ANKRD28: variants seen among roughly 807,000 people sequenced by gnomAD.
ANKRD28 encodes ankyrin repeat domain 28.
ANKRD28 carries 44 observed loss-of-function variants against 126.5 expected under a neutral mutation model. That is an observed-to-expected ratio of 0.35 (90% CI 0.27 to 0.45). ANKRD28 has a LOEUF of 0.45. Among genes scored for constraint, ANKRD28 ranks in the 20% least tolerant of loss-of-function variants. ANKRD28 has a pLI of 1.00. For missense variants in ANKRD28, 1,110 were observed against 1,316.6 expected, an observed-to-expected ratio of 0.84 and a Z score of 2.43; for synonymous variants, 442 against 468.5, an observed-to-expected ratio of 0.94 and a Z score of 0.73.
Position 15,686,464 on chromosome 3 carries a change from C to T in ANKRD28, c.1964-155G>A, listed in dbSNP as rs928134519. Reference sequence around the variant, plus strand: ...ACTATAGGTAAAAAGAAGGTTTCTACGGCCTTTGACTGTTAAAGCTGGAAT... The same window carrying T: ...ACTATAGGTAAAAAGAAGGTTTCTATGGCCTTTGACTGTTAAAGCTGGAAT... On this transcript the variant is annotated intron_variant, in intron 18 of 27. Coordinates refer to ENST00000683139, the MANE Select transcript of ANKRD28 (RefSeq NM_001349278.2). 8.9e-5 allele frequency: 57 copies of T among 642,136 alleles called. 1 individual carries two copies. Among genetic ancestry groups the T allele is most frequent in the Middle Eastern group, 8.4e-4 (2 of 2,372 alleles). 39.8% of individuals were successfully genotyped at this position (642,136 alleles called of 1,614,324 possible).
chr3:15,767,163 G>A (rs1322063614), intron 2 of ANKRD28, among the ~76,000 whole-genome samples: 1 of 152,060 alleles, frequency 6.6e-6, no homozygotes, highest in Non-Finnish European at 1.5e-5. Context: ...TACCTCTAAT[G>A]CATGCTTCAT....
upstream of ANKRD28, chr3:15,798,263 T>C (rs17041529): frequency 6.4e-3 from 4,469 of 696,614 alleles, 180 homozygotes; most frequent in African/African-American, 0.078. Flanking sequence ...AACCCTATAA[T>C]GACAGTTGCA....
At chr3:15,777,849 T>TACACACACACACACACACACACACAC (rs569761948) in intron 2 of ANKRD28, among the ~76,000 whole-genome samples, 2 of 106,136 alleles carry the variant, frequency 1.9e-5, no homozygotes, top group Non-Finnish European at 4.1e-5. Flanking sequence ...AAAACCAAAC[T>TACACACACACACACACACACACACAC]ACACACACAC....
chr3:15,678,124 G>C, intron 24 of ANKRD28, 85 bp downstream of exon 24: 1 of 1,318,346 alleles, frequency 7.6e-7, no homozygotes, highest in South Asian at 1.5e-5. Context: ...AAGATAACTA[G>C]TTGAAGTCAG....
At chr3:15,771,409 C>CAA (rs35184017) in intron 2 of ANKRD28, among the ~76,000 whole-genome samples, 27,684 of 114,814 alleles carry the variant, frequency 0.24, 3,849 homozygotes, top group Non-Finnish European at 0.32. Flanking sequence ...AACTCTGTCT[C>CAA]AAAAAAAAAA....
chr3:15,842,916 G>GTT (rs768019777), intron 1 of ANKRD28, among the ~76,000 whole-genome samples: 14 of 152,158 alleles, frequency 9.2e-5, no homozygotes, highest in Middle Eastern at 3.2e-3. Context: ...AAGTTATACT[G>GTT]TTATATATAG....
At chr3:15,857,474 G>A (rs1254908790) in intron 1 of ANKRD28, among the ~76,000 whole-genome samples, 1 of 152,120 alleles carries the variant, frequency 6.6e-6, no homozygotes, top group African/African-American at 2.4e-5. Flanking sequence ...TAAGAGAAAC[G>A]GGGTTTCACC....
rs937952330 is a variant in ANKRD28, at chr3:15,854,631, G to C, written c.27+4746C>G. Among the ~76,000 whole-genome samples the C allele has an allele frequency of 6.6e-6, 1 of 151,890 alleles. No individual in the cohort carries two copies. The highest frequency in any genetic ancestry group is 1.5e-5 in the Non-Finnish European group (1 of 67,990). On this transcript the variant is annotated intron_variant, in intron 1 of 27. Coordinates refer to the ANKRD28 transcript ENST00000399451. The surrounding 1 kb of genome is among the most constrained non-coding windows in gnomAD (Gnocchi z 4.1). ...ACATGTTTTCCTTCAGCCTCTATAAGTCTCTTCATGTGATGTATCTCACTT... is the reference window on the plus strand; with the variant it reads ...ACATGTTTTCCTTCAGCCTCTATAACTCTCTTCATGTGATGTATCTCACTT...
At chr3:15,751,947 C>T (rs1575537357) in intron 3 of ANKRD28, 127 bp from the exon 4 acceptor site, 3 of 598,394 alleles carry the variant, frequency 5.0e-6, no homozygotes, top group Middle Eastern at 9.3e-4. Flanking sequence ...TTATTTTTTA[C>T]ACTTTCTGCT....
chr3:15,729,174 G>A (rs182008653), intron 6 of ANKRD28, among the ~76,000 whole-genome samples: 2 of 152,348 alleles, frequency 1.3e-5, no homozygotes, highest in East Asian at 3.9e-4. Context: ...AGGGGGCCAT[G>A]TATCTGGAAG....
chr3:15,749,960 T>C (rs1453007448), intron 4 of ANKRD28, among the ~76,000 whole-genome samples: 7 of 152,352 alleles, frequency 4.6e-5, no homozygotes, highest in Non-Finnish European at 4.4e-5. Flanking sequence ...TCATCTGCCT[T>C]GTAATTTTTA....
chr3:15,723,393 C>T (rs948308689), intron 7 of ANKRD28, among the ~76,000 whole-genome samples: 2 of 152,160 alleles, frequency 1.3e-5, no homozygotes, highest in Non-Finnish European at 2.9e-5. Flanking sequence ...GATCCTTATG[C>T]TACATCTTCT....
At chr3:15,717,296 G>C (rs1162677185) in intron 8 of ANKRD28, among the ~76,000 whole-genome samples, 1 of 152,002 alleles carries the variant, frequency 6.6e-6, no homozygotes, top group African/African-American at 2.4e-5. Context: ...TTTATTATAA[G>C]CCTATATGTG....
chr3:15,776,961 G>T (rs943637564), intron 2 of ANKRD28, among the ~76,000 whole-genome samples: 2 of 152,090 alleles, frequency 1.3e-5, no homozygotes, highest in Non-Finnish European at 2.9e-5. Context: ...TTGTTCTCCT[G>T]AACTAATGTT....
At chr3:15,850,258 G>GAGAGAGAGAGAGAGAGAGAGAGA (rs1384999941) in intron 1 of ANKRD28, among the ~76,000 whole-genome samples, 1 of 126,868 alleles carries the variant, frequency 7.9e-6, no homozygotes, top group Non-Finnish European at 1.6e-5. Context: ...GAGAGAGAGA[G>GAGAGAGAGAGAGAGAGAGAGAGA]AGAGAAAGTT....
chr3:15,739,345 T>G (rs1469737581), intron 4 of ANKRD28, among the ~76,000 whole-genome samples: 1 of 152,218 alleles, frequency 6.6e-6, no homozygotes, highest in African/African-American at 2.4e-5. Context: ...TTTGGGGAAC[T>G]AATAAATGTC....
In ANKRD28 at chr3:15,843,460, T is replaced by C. The variant is rs1190664474; in HGVS notation, c.27+15917A>G. The stretch of plus-strand genomic sequence containing the variant: ...TTAATAGCGTCCATCCGGACACCAA[T>C]ATACAACAATATGTAGTGGCAGGAG... On this transcript the variant is annotated intron_variant, in intron 1 of 27. Transcript: ENST00000399451. This position sits in a 1 kb window ranked among gnomAD's most constrained non-coding sequence, Gnocchi z 5.2. Among the ~76,000 whole-genome samples the C allele has an allele frequency of 1.3e-5, 2 of 151,772 alleles. No individual in the cohort carries two copies. Among genetic ancestry groups the C allele is most frequent in the Non-Finnish European group, 2.9e-5 (2 of 67,996 alleles).
chr3:15,698,594 T>C (rs146865958), intron 14 of ANKRD28, among the ~76,000 whole-genome samples: 317 of 152,034 alleles, frequency 2.1e-3, no homozygotes, highest in Non-Finnish European at 3.6e-3. Flanking sequence ...CATACACCAA[T>C]AACAGACAAA....
chr3:15,690,545 C>CT (rs1327898550), intron 17 of ANKRD28, among the ~76,000 whole-genome samples: 1 of 152,110 alleles, frequency 6.6e-6, no homozygotes, highest in Non-Finnish European at 1.5e-5. Flanking sequence ...GATTTCAAGT[C>CT]TGATTCTAAA....
Sources: allele counts gnomAD v4.1 joint callset (sites outside exome capture counted in the v4.1 genomes callset), GRCh38; gene constraint gnomAD v4.1.1; non-coding constraint Gnocchi (gnomAD v3.1); transcripts MANE v1.5; gene names NCBI Gene and HGNC (gene_info 2026-07-23, HGNC 2026-07-21).